IBSP: variants seen among roughly 807,000 people sequenced by gnomAD.
IBSP encodes the protein integrin binding sialoprotein.
In IBSP, 19 loss-of-function variants were observed where a neutral mutation model predicts 25.5. The ratio of observed to expected loss-of-function variants is 0.74; its 90% CI spans 0.52 to 1.09. The LOEUF (loss-of-function observed/expected upper bound fraction) is 1.09, where lower values mean the gene tolerates loss of function less well. Among genes scored for constraint, IBSP ranks in the 50% least tolerant of loss-of-function variants. The pLI is 0.00. For synonymous variants in IBSP, 144 were observed against 137.6 expected, an observed-to-expected ratio of 1.05 and a Z score of -0.33; for missense variants, 360 against 382.3, an observed-to-expected ratio of 0.94 and a Z score of 0.49.
At chr4:87,802,464 T>A in intron 2 of IBSP, 44 bp from the exon 3 acceptor site, 1 of 1,592,386 alleles carries the variant, frequency 6.3e-7, no homozygotes, top group Admixed American at 1.8e-5. Context: ...TGTCTTTTTA[T>A]GTAAAAGAAA....
At chr4:87,805,748 T>A (rs553194650) in intron 4 of IBSP, among the ~76,000 whole-genome samples, 1 of 152,202 alleles carries the variant, frequency 6.6e-6, no homozygotes, top group African/African-American at 2.4e-5. Flanking sequence ...AATTTAAAAA[T>A]TGGACCAGTT....
At chr4:87,808,330 G>A (rs994432425) in intron 5 of IBSP, among the ~76,000 whole-genome samples, 3 of 151,770 alleles carry the variant, frequency 2.0e-5, no homozygotes, top group Non-Finnish European at 4.4e-5. Context: ...TACAGGCACC[G>A]GCCACCATGC....
intron 1 of IBSP, among the ~76,000 whole-genome samples, chr4:87,799,963 C>T (rs184532501): frequency 1.9e-4 from 29 of 152,236 alleles, no homozygotes; most frequent in African/African-American, 6.3e-4. Flanking sequence ...TTTGCATTTG[C>T]AAATCTGGCT....
At chr4:87,800,174 T>C (rs1721994338) in intron 1 of IBSP, among the ~76,000 whole-genome samples, 2 of 152,310 alleles carry the variant, frequency 1.3e-5, no homozygotes, top group South Asian at 4.1e-4. Context: ...AATTAAATCC[T>C]CAAAATTCTC....
At position 87,808,241 on chromosome 4, in the gene IBSP, G is replaced by A. The variant is rs1410772365; in HGVS notation, c.246+2057G>A. Among the ~76,000 whole-genome samples the A allele has an allele frequency of 2.6e-5, 4 of 151,618 alleles. No individual in the cohort carries two copies. The East Asian group carries it at 5.8e-4, about 22-fold the overall frequency. ...CTGTTTCCCAGGCTGGAGTTCAGTG[G>A]CTTAATCTCAGCTCACTACAAGCTG... On this transcript the variant is annotated intron_variant, in intron 5 of 6. Transcript: ENST00000226284.
chr4:87,804,207 A>C (rs1239180742), intron 4 of IBSP, among the ~76,000 whole-genome samples: 1 of 152,178 alleles, frequency 6.6e-6, no homozygotes, highest in African/African-American at 2.4e-5. Flanking sequence ...CCTAGTATTC[A>C]TGACCCATTC....
chr4:87,803,676 G>A (rs1351380581), intron 4 of IBSP, among the ~76,000 whole-genome samples: 1 of 152,106 alleles, frequency 6.6e-6, no homozygotes, highest in East Asian at 1.9e-4. Context: ...CCCCTACAAT[G>A]ATAGGAAATG....
At position 87,812,348 on chromosome 4, in the gene IBSP, G is replaced by A. The variant is rs1178920422; in HGVS notation, c.*438G>A. On this transcript the variant is annotated 3_prime_UTR_variant, in exon 7 of 7. Coordinates refer to ENST00000226284, the MANE Select transcript of IBSP (RefSeq NM_004967.4). ...ACTACCTATGCAACACTGTGTATTAGGTTTATCATCCTCATGTATTTTTAT... is the reference window on the plus strand; with the variant it reads ...ACTACCTATGCAACACTGTGTATTAAGTTTATCATCCTCATGTATTTTTAT... 1 of 155,164 alleles carries A rather than the reference G, an allele frequency of 6.4e-6. No homozygotes were observed. The highest frequency in any genetic ancestry group is 1.9e-4 in the East Asian group (1 of 5,250). The allele number at this position is 155,164 out of a possible 1,614,324, so 9.6% of individuals were successfully genotyped here.
intron 5 of IBSP, among the ~76,000 whole-genome samples, chr4:87,809,450 T>C (rs1722138603): frequency 6.6e-6 from 1 of 152,206 alleles, no homozygotes; most frequent in South Asian, 2.1e-4. Context: ...TTTCTAAGGA[T>C]GGTAGAATAA....
At position 87,811,628 on chromosome 4, in the gene IBSP, C is replaced by G. The variant is rs762127434; in HGVS notation, c.672C>G (p.Thr224=). 6.2e-7 allele frequency: 1 copy of G among 1,613,708 alleles called. No homozygotes were observed. Among genetic ancestry groups the G allele is most frequent in the Non-Finnish European group, 8.5e-7 (1 of 1,179,900 alleles). Residue 224 remains threonine, a synonymous_variant, in exon 7 of 7, where the codon ACC becomes ACG. Coordinates refer to ENST00000226284, the MANE Select transcript of IBSP (RefSeq NM_004967.4). ...TTETGRQGKG[T]SKTTTSPNGG... ...AGACCGGAAGGCAGGGCAAGGGCAC[C>G]TCGAAGACAACAACCTCTCCAAATG...
Position 87,802,668 on chromosome 4 carries a change from G to A in IBSP, c.120G>A (p.Arg40=), listed in dbSNP as rs1281932507. Reference sequence around the variant, plus strand: ...TGTTTTTGCAGGTCTTTAAGTACAGGCCACGATATTATCTTTACAAGCATG... The same window carrying A: ...TGTTTTTGCAGGTCTTTAAGTACAGACCACGATATTATCTTTACAAGCATG... ...DSEENGVFKY[R]PRYYLYKHAY... Residue 40 remains arginine (R), a synonymous_variant, in exon 4 of 7, where the codon AGG becomes AGA. Coordinates refer to ENST00000226284, the MANE Select transcript of IBSP (RefSeq NM_004967.4). The A allele has an allele frequency of 1.3e-6, 2 of 1,574,904 alleles. No homozygotes were observed. The highest frequency in any genetic ancestry group is 2.1e-5 in the Admixed American group (1 of 48,762).
At chr4:87,811,324 A>C in intron 6 of IBSP, 38 bp from the exon 7 acceptor site, 2 of 1,551,390 alleles carry the variant, frequency 1.3e-6, no homozygotes, top group East Asian at 2.2e-5. Context: ...TACATTTTTC[A>C]CAGCTAGATT....
rs1722027497 is a variant in IBSP at position 87,802,252 on chromosome 4, T to C, written c.-14-96T>C. On this transcript the variant is annotated intron_variant, in intron 1 of 6. Transcript: ENST00000226284. ...AGTCAAAGTGATAATTACACAGAAATGAAAACAAATTAAATACTTCATCTT... is the reference window on the plus strand; with the variant it reads ...AGTCAAAGTGATAATTACACAGAAACGAAAACAAATTAAATACTTCATCTT... The C allele has an allele frequency of 4.2e-6, 3 of 710,456 alleles. No individual in the cohort carries two copies. In the Admixed American group the frequency reaches 9.3e-5, roughly 22 times the overall value. 44.0% of individuals were successfully genotyped at this position (710,456 alleles called of 1,614,324 possible).
rs567620945 is a variant in IBSP, at chr4:87,804,489, T to C, written c.184-1633T>C. On this transcript the variant is annotated intron_variant, in intron 4 of 6. Coordinates refer to ENST00000226284, the MANE Select transcript of IBSP (RefSeq NM_004967.4). Reference sequence around the variant, plus strand: ...AAGTAAACTTAACATCCTAAGCTTCTTTATTGAGAAAATTGTCATTTTGTG... The same window carrying C: ...AAGTAAACTTAACATCCTAAGCTTCCTTATTGAGAAAATTGTCATTTTGTG... 4.9e-4 allele frequency among the ~76,000 whole-genome samples: 75 copies of C among 152,344 alleles called. No individual in the cohort carries two copies. In the South Asian group the frequency reaches 0.015, roughly 31 times the overall value.
chr4:87,809,708 A>G (rs1179489852), intron 5 of IBSP, among the ~76,000 whole-genome samples: 2 of 152,196 alleles, frequency 1.3e-5, no homozygotes, highest in Non-Finnish European at 2.9e-5. Flanking sequence ...TAAACTTTAA[A>G]AGTTATCACA....
At chr4:87,807,582 A>G (rs1006088895) in intron 5 of IBSP, among the ~76,000 whole-genome samples, 6 of 152,178 alleles carry the variant, frequency 3.9e-5, no homozygotes, top group East Asian at 1.9e-4. Context: ...TATTTGCTGT[A>G]CAGTGATTGT....
At chr4:87,804,017 G>A (rs1366702522) in intron 4 of IBSP, among the ~76,000 whole-genome samples, 1 of 152,094 alleles carries the variant, frequency 6.6e-6, no homozygotes, top group Non-Finnish European at 1.5e-5. Context: ...AGCAATATTA[G>A]GAGGCATTAC....
At chr4:87,807,547 C>A (rs1213225028) in intron 5 of IBSP, among the ~76,000 whole-genome samples, 1 of 152,118 alleles carries the variant, frequency 6.6e-6, no homozygotes, top group Non-Finnish European at 1.5e-5. Context: ...AAGAACTAGG[C>A]TAAGGTTATC....
chr4:87,800,518 G>A (rs72875414), intron 1 of IBSP, among the ~76,000 whole-genome samples: 3,813 of 152,180 alleles, frequency 0.025, 86 homozygotes, highest in African/African-American at 0.062. Context: ...GCTTGGTCAC[G>A]GCTGGCAAAG....
Sources: gnomAD v4.1 joint callset for allele counts (sites outside exome capture counted in the v4.1 genomes callset) on GRCh38, gnomAD v4.1.1 for gene constraint, MANE v1.5 for transcripts, NCBI Gene and HGNC (gene_info 2026-07-23, HGNC 2026-07-21) for gene names.